CHSY3: variants seen among roughly 807,000 people sequenced by gnomAD.
CHSY3 encodes N-acetylgalactosaminyl-proteoglycan 3-beta-glucuronosyltransferase 3.
A neutral mutation model predicts 67.2 loss-of-function variants in CHSY3; 35 were observed. The observed-to-expected ratio is 0.52, with a 90% CI of 0.40 to 0.69. CHSY3 has a LOEUF of 0.69. Ranked by LOEUF, CHSY3 falls within the 30% of genes least tolerant of loss-of-function variation. The pLI, the probability that CHSY3 is intolerant of heterozygous loss-of-function variation, is 0.00. For missense variants in CHSY3, 1,069 were observed against 1,138.5 expected (o/e 0.94, Z 0.88); for synonymous variants, 474 against 434.7 (o/e 1.09, Z -1.12).
intron 2 of CHSY3, among the ~76,000 whole-genome samples, chr5:130,049,159 C>A (rs1031293549): frequency 6.6e-6 from 1 of 152,016 alleles, no homozygotes; most frequent in African/African-American, 2.4e-5. Flanking sequence ...ATTAATACAT[C>A]TCTAAACTCT....
intron 2 of CHSY3, among the ~76,000 whole-genome samples, chr5:130,004,645 T>C (rs1402004272): frequency 6.6e-6 from 1 of 152,154 alleles, no homozygotes; most frequent in Non-Finnish European, 1.5e-5. Context: ...TAAAAATTGA[T>C]ATTTAGGGGT....
intron 2 of CHSY3, among the ~76,000 whole-genome samples, chr5:130,093,309 A>G (rs946130623): frequency 6.6e-6 from 1 of 152,214 alleles, no homozygotes; most frequent in African/African-American, 2.4e-5. Context: ...TGAATATACA[A>G]TAATGCATAT....
At chr5:130,030,014 G>A (rs1764661223) in intron 2 of CHSY3, among the ~76,000 whole-genome samples, 1 of 151,968 alleles carries the variant, frequency 6.6e-6, no homozygotes, top group African/African-American at 2.4e-5. Context: ...ATTTGCATCT[G>A]TCCTATACTT....
At position 130,145,753 on chromosome 5, in the gene CHSY3, C is replaced by A. The variant is rs1017586173; in HGVS notation, c.1087-38476C>A. ...GTAAGTAATTTAAACAACTCAACAG[C>A]AAAAAAACTAAATTACCCCATTAAA... is the stretch of plus-strand genomic sequence containing the variant. On this transcript the variant is annotated intron_variant, in intron 2 of 2. Coordinates refer to ENST00000305031, the MANE Select transcript of CHSY3 (RefSeq NM_175856.5). Among the ~76,000 whole-genome samples the A allele has an allele frequency of 9.2e-5, 14 of 151,366 alleles. No homozygotes were observed. In the South Asian group the frequency reaches 1.9e-3, roughly 20 times the overall value.
Position 129,904,730 on chromosome 5 carries a change from G to C in CHSY3, c.-100G>C, listed in dbSNP as rs1760166131. ...CGCCTAGGCGGCCGGCTGCGGCCGC[G>C]GCTGGGGGCGCAAAGGCGGAGGAGG... On this transcript the variant is annotated 5_prime_UTR_variant, in exon 1 of 3. Coordinates refer to ENST00000305031, the MANE Select transcript of CHSY3 (RefSeq NM_175856.5). 3 of 1,229,424 alleles carry C rather than the reference G, an allele frequency of 2.4e-6. No individual in the cohort carries two copies. The highest frequency in any genetic ancestry group is 6.4e-5 in the East Asian group (2 of 31,074). The allele number at this position is 1,229,424 out of a possible 1,614,324, so 76.2% of individuals were successfully genotyped here.
intron 2 of CHSY3, among the ~76,000 whole-genome samples, chr5:130,153,420 T>C (rs1769283904): frequency 6.6e-6 from 1 of 152,208 alleles, no homozygotes; most frequent in Admixed American, 6.5e-5. Flanking sequence ...TCATTCTCTC[T>C]CAGCCTTTAA....
At chr5:130,072,618 T>C (rs1766112532) in intron 2 of CHSY3, among the ~76,000 whole-genome samples, 1 of 152,274 alleles carries the variant, frequency 6.6e-6, no homozygotes, top group Non-Finnish European at 1.5e-5. Context: ...TTGTTATTTT[T>C]GCTCAAGATT....
intron 2 of CHSY3, among the ~76,000 whole-genome samples, chr5:129,962,935 C>G (rs917759612): frequency 6.6e-6 from 1 of 151,962 alleles, no homozygotes; most frequent in Admixed American, 6.6e-5. Flanking sequence ...TCTGGAACAG[C>G]CAACTTGGGG....
Position 130,185,311 on chromosome 5 carries a change from C to T in CHSY3, c.2169C>T (p.Phe723=). The change falls in exon 3 of 3, where the codon TTC becomes TTT. Residue 723 remains phenylalanine, a synonymous_variant. Transcript: ENST00000305031. ...TATTTTGTGATGTTGACTTGATCTT[C>T]AGAGAAGATTTTCTCCAACGATGTA... ...LLLFCDVDLI[F]REDFLQRCRD... is the part of the protein sequence containing the mutation. 2 of 1,611,606 alleles carry T rather than the reference C, an allele frequency of 1.2e-6. No individual in the cohort carries two copies. The highest frequency in any genetic ancestry group is 8.5e-7 in the Non-Finnish European group (1 of 1,177,774).
chr5:130,046,609 G>T (rs974070714), intron 2 of CHSY3, among the ~76,000 whole-genome samples: 4 of 152,018 alleles, frequency 2.6e-5, no homozygotes, highest in African/African-American at 7.2e-5. Context: ...TGACGATCTT[G>T]TAAAACATAC....
intron 2 of CHSY3, among the ~76,000 whole-genome samples, chr5:129,997,911 G>A (rs1763593755): frequency 1.3e-5 from 2 of 152,278 alleles, no homozygotes; most frequent in South Asian, 4.2e-4. Flanking sequence ...GTCTATCGTT[G>A]ATGGACATTT....
intron 2 of CHSY3, among the ~76,000 whole-genome samples, chr5:129,978,970 G>A (rs1227448834): frequency 2.6e-5 from 4 of 151,670 alleles, no homozygotes; most frequent in East Asian, 3.9e-4. Flanking sequence ...AGGCCGAGGC[G>A]GGCAGATCAG....
Position 130,185,044 on chromosome 5 carries a change from C to T in CHSY3, c.1902C>T (p.Phe634=), listed in dbSNP as rs760897729. The change falls in exon 3 of 3, where the codon TTC becomes TTT. Residue 634 remains phenylalanine, a synonymous_variant. Transcript: ENST00000305031. Reference sequence around the variant, plus strand: ...CTCTCATCGGAAGGTATGACATTTTCTTGAGATTCATGGAGAACTTTGAAA... The same window carrying T: ...CTCTCATCGGAAGGTATGACATTTTTTTGAGATTCATGGAGAACTTTGAAA... ...LVPLIGRYDI[F]LRFMENFENM... The T allele has an allele frequency of 5.0e-6, 8 of 1,598,458 alleles. No individual in the cohort carries two copies. Among genetic ancestry groups the T allele is most frequent in the Non-Finnish European group, 6.9e-6 (8 of 1,165,878 alleles).
In CHSY3 at chr5:130,057,411, C is replaced by T. The variant is rs1375761113; in HGVS notation, c.1087-126818C>T. Among the ~76,000 whole-genome samples the T allele has an allele frequency of 4.6e-5, 7 of 151,970 alleles. No homozygotes were observed. The East Asian group carries it at 1.4e-3, about 29-fold the overall frequency. ...TAATTAAGAACAATAATCATTCTCACTCTTATCACTGTTTTCTGAAACTAA... is the reference window on the plus strand; with the variant it reads ...TAATTAAGAACAATAATCATTCTCATTCTTATCACTGTTTTCTGAAACTAA... On this transcript the variant is annotated intron_variant, in intron 2 of 2. Coordinates refer to ENST00000305031, the MANE Select transcript of CHSY3 (RefSeq NM_175856.5).
Position 130,021,743 on chromosome 5 carries a change from C to T in CHSY3, c.1086+113383C>T, listed in dbSNP as rs73785857. On this transcript the variant is annotated intron_variant, in intron 2 of 2. Coordinates refer to ENST00000305031, the MANE Select transcript of CHSY3 (RefSeq NM_175856.5). ...TAAAAAGATAAACACTATGTAAATT[C>T]GCATGTGTGATAAATATTTAGAAAA... Among the ~76,000 whole-genome samples, 1,111 of 152,132 alleles carry T rather than the reference C, an allele frequency of 7.3e-3. 12 individuals are homozygous for T. Among genetic ancestry groups the T allele is most frequent in the African/African-American group, 0.025 (1,052 of 41,522 alleles).
chr5:130,071,055 AATAG>A lies in CHSY3; in HGVS notation c.1087-113168_1087-113165del, dbSNP rs558645740. On this transcript the variant is annotated intron_variant, in intron 2 of 2. Transcript: ENST00000305031. ...ATAGATAGACAGAGAGACGGATAGT[AATAG>A]ATAGAGATGTTTTTTCGAGATTATA... Among the ~76,000 whole-genome samples, 872 of 152,164 alleles carry A rather than the reference AATAG, an allele frequency of 5.7e-3. 9 individuals are homozygous for A. The highest frequency in any genetic ancestry group is 0.02 in the African/African-American group (818 of 41,546).
At chr5:129,986,466 G>T (rs989635507) in intron 2 of CHSY3, among the ~76,000 whole-genome samples, 4 of 151,956 alleles carry the variant, frequency 2.6e-5, no homozygotes, top group Non-Finnish European at 4.4e-5. Flanking sequence ...TGTTCATCCG[G>T]GATATTGGCC....
At chr5:130,001,045 T>C (rs1421881162) in intron 2 of CHSY3, among the ~76,000 whole-genome samples, 3 of 151,806 alleles carry the variant, frequency 2.0e-5, no homozygotes, top group African/African-American at 4.8e-5. Flanking sequence ...CACGCCTGGT[T>C]AACTTTTTGT....
At chr5:130,103,456 C>G (rs1327534781) in intron 2 of CHSY3, among the ~76,000 whole-genome samples, 1 of 151,938 alleles carries the variant, frequency 6.6e-6, no homozygotes, top group Non-Finnish European at 1.5e-5. Context: ...TAAATGTTCT[C>G]TTTATGTGCT....
Sources: gnomAD v4.1 joint callset for allele counts (sites outside exome capture counted in the v4.1 genomes callset) on GRCh38, gnomAD v4.1.1 for gene constraint, MANE v1.5 for transcripts, NCBI Gene and HGNC (gene_info 2026-07-23, HGNC 2026-07-21) for gene names.